Variants in KDM1B observed in about 807,000 individuals in gnomAD.
KDM1B encodes the protein lysine demethylase 1B, also known as lysine-specific histone demethylase 2.
A neutral mutation model predicts 107.4 loss-of-function variants in KDM1B; 63 were observed. The ratio of observed to expected loss-of-function variants is 0.59; its 90% CI spans 0.48 to 0.72. The LOEUF (loss-of-function observed/expected upper bound fraction) is 0.72, where lower values mean the gene tolerates loss of function less well. Among genes scored for constraint, KDM1B ranks in the 30% least tolerant of loss-of-function variants. The pLI, the probability that KDM1B is intolerant of heterozygous loss-of-function variation, is 0.00. For missense variants in KDM1B, 749 were observed against 1,020.8 expected (o/e 0.73, Z 3.63); for synonymous variants, 363 against 363.9 (o/e 1.00, Z 0.03).
chr6:18,217,401 T>C (rs1439275142), intron 20 of KDM1B, among the ~76,000 whole-genome samples: 6 of 145,648 alleles, frequency 4.1e-5, no homozygotes, highest in Admixed American at 1.4e-4. Flanking sequence ...TTTTTTGAGA[T>C]GGAGTCTGGC....
At chr6:18,170,758 G>T (rs1785599163) in intron 6 of KDM1B, among the ~76,000 whole-genome samples, 1 of 152,104 alleles carries the variant, frequency 6.6e-6, no homozygotes, top group African/African-American at 2.4e-5. Flanking sequence ...GAGATTACAG[G>T]TGTGAGCCAC....
chr6:18,160,630 C>T (rs1393422115), intron 3 of KDM1B, among the ~76,000 whole-genome samples: 7 of 151,560 alleles, frequency 4.6e-5, no homozygotes, highest in Non-Finnish European at 7.4e-5. Flanking sequence ...CTCAGCTACT[C>T]GGGAGGCTGA....
chr6:18,223,587 T>C lies in KDM1B; in HGVS notation c.*1595T>C, dbSNP rs1789961582. Reference sequence around the variant, plus strand: ...AATTATTATGTTAGTTTCCAGGCACTTGAACTGTGCTACAAGTAGGGGAAA... The same window carrying C: ...AATTATTATGTTAGTTTCCAGGCACCTGAACTGTGCTACAAGTAGGGGAAA... On this transcript the variant is annotated 3_prime_UTR_variant, in exon 22 of 22. Transcript: ENST00000650836. 1 of 152,192 alleles carries C rather than the reference T, an allele frequency of 6.6e-6. No homozygotes were observed. The highest frequency in any genetic ancestry group is 1.9e-4 in the East Asian group (1 of 5,196). 9.4% of individuals were successfully genotyped at this position (152,192 alleles called of 1,614,324 possible). A position where few individuals can be genotyped will look rare whatever the true frequency, so the allele number is the denominator to read the frequency against.
chr6:18,156,159 C>T (rs1784590988), intron 2 of KDM1B, among the ~76,000 whole-genome samples: 1 of 152,210 alleles, frequency 6.6e-6, no homozygotes. Flanking sequence ...TTCTCTGGCA[C>T]AGCCACCACG....
chr6:18,217,570 G>A (rs1050625827), intron 20 of KDM1B, among the ~76,000 whole-genome samples, 163 bp from the exon 21 acceptor site: 3 of 151,814 alleles, frequency 2.0e-5, no homozygotes, highest in African/African-American at 7.3e-5. Context: ...GTAGAGATGG[G>A]GTTTCACCGT....
At position 18,208,613 on chromosome 6, in the gene KDM1B, A is replaced by G. The variant is rs1220100945; in HGVS notation, c.1866+407A>G. Reference sequence around the variant, plus strand: ...TAGAAGTATGTGTATGTATATATATATATATATATATATATTTTTTTTTTT... The same window carrying G: ...TAGAAGTATGTGTATGTATATATATGTATATATATATATATTTTTTTTTTT... On this transcript the variant is annotated intron_variant, in intron 17 of 21. Transcript: ENST00000650836. Among the ~76,000 whole-genome samples the G allele has an allele frequency of 6.3e-4, 20 of 31,834 alleles. 1 individual carries two copies. Among genetic ancestry groups the G allele is most frequent in the East Asian group, 2.3e-3 (2 of 858 alleles). The allele number at this position is 31,834 out of a possible 152,430, so 20.9% of individuals were successfully genotyped here.
In KDM1B at chr6:18,212,110, T is replaced by G; in HGVS notation, c.1867-378T>G. 5.2e-6 allele frequency: 1 copy of G among 192,888 alleles called. No homozygotes were observed. Among genetic ancestry groups the G allele is most frequent in the Non-Finnish European group, 1.1e-5 (1 of 92,612 alleles). 11.9% of individuals were successfully genotyped at this position (192,888 alleles called of 1,614,324 possible). The stretch of plus-strand genomic sequence containing the variant: ...ACAGGCACCTGCCACCACACCTGGC[T>G]AATTTTTGTATTTTTGTAGAGACAG... On this transcript the variant is annotated intron_variant, in intron 17 of 21. Coordinates refer to ENST00000650836, the MANE Select transcript of KDM1B (RefSeq NM_001364614.2). The surrounding 1 kb of genome is among the most constrained non-coding windows in gnomAD (Gnocchi z 5.2).
chr6:18,201,266 GC>G lies in KDM1B; in HGVS notation c.1360-216del, dbSNP rs1431308072. ...TGGGCATGGCGTAGGAGCTGTTGCT[GC>G]CCCTCTCACATTCTCATCAAATAAA... is the stretch of plus-strand genomic sequence containing the variant. On this transcript the variant is annotated intron_variant, in intron 13 of 21. Transcript: ENST00000650836. The surrounding 1 kb of genome is among the most constrained non-coding windows in gnomAD (Gnocchi z 4.3). Among the ~76,000 whole-genome samples the G allele has an allele frequency of 6.6e-5, 10 of 152,126 alleles. No individual in the cohort carries two copies. Among genetic ancestry groups the G allele is most frequent in the African/African-American group, 1.9e-4 (8 of 41,414 alleles).
chr6:18,215,478 C>G (rs536847595), intron 20 of KDM1B, among the ~76,000 whole-genome samples: 26 of 152,280 alleles, frequency 1.7e-4, no homozygotes, highest in African/African-American at 5.8e-4. Flanking sequence ...GGGCTTCCCT[C>G]TGTGTGTGTC....
intron 20 of KDM1B, among the ~76,000 whole-genome samples, chr6:18,216,061 G>GT (rs1789205673): frequency 6.6e-6 from 1 of 152,120 alleles, no homozygotes; most frequent in Admixed American, 6.5e-5. Context: ...ATTCAGATAT[G>GT]TTGCTTATTT....
At chr6:18,217,128 A>G (rs1789297803) in intron 20 of KDM1B, among the ~76,000 whole-genome samples, 1 of 152,174 alleles carries the variant, frequency 6.6e-6, no homozygotes, top group South Asian at 2.1e-4. Flanking sequence ...CCGAACTCTT[A>G]GCCATGGGTG....
At position 18,197,738 on chromosome 6, in the gene KDM1B, C is replaced by T; in HGVS notation, c.1221+77C>T. Reference sequence around the variant, plus strand: ...GTCCAAATTTCTAAGATTTAGAAACCAGTTCCTATTTTTAGTGAAGAATAC... The same window carrying T: ...GTCCAAATTTCTAAGATTTAGAAACTAGTTCCTATTTTTAGTGAAGAATAC... On this transcript the variant is annotated intron_variant, in intron 12 of 21. Transcript: ENST00000650836. This position sits in a 1 kb window ranked among gnomAD's most constrained non-coding sequence, Gnocchi z 4.5. 2.0e-6 allele frequency: 2 copies of T among 1,008,368 alleles called. No individual in the cohort carries two copies. The highest frequency in any genetic ancestry group is 3.0e-6 in the Non-Finnish European group (2 of 660,670). 62.5% of individuals were successfully genotyped at this position (1,008,368 alleles called of 1,614,324 possible).
Position 18,211,392 on chromosome 6 carries a change from A to G in KDM1B, c.1867-1096A>G, listed in dbSNP as rs1034264164. ...CCCCAACTCCCTACAGCAGGTTTCT[A>G]AACATCCATCCAGCCCAGCCAATCT... On this transcript the variant is annotated intron_variant, in intron 17 of 21. Transcript: ENST00000650836. This position sits in a 1 kb window ranked among gnomAD's most constrained non-coding sequence, Gnocchi z 5.2. 2 of 152,302 alleles carry G rather than the reference A, an allele frequency of 1.3e-5. No homozygotes were observed. The highest frequency in any genetic ancestry group is 2.9e-5 in the Non-Finnish European group (2 of 68,120). 9.4% of individuals were successfully genotyped at this position (152,302 alleles called of 1,614,324 possible).
chr6:18,175,900 G>A (rs1396228567), intron 7 of KDM1B, among the ~76,000 whole-genome samples: 2 of 152,278 alleles, frequency 1.3e-5, no homozygotes, highest in Middle Eastern at 6.8e-3. Context: ...ATCAGGTAGT[G>A]TGATGCCTCC....
Position 18,211,107 on chromosome 6 carries a change from T to C in KDM1B, c.1867-1381T>C, listed in dbSNP as rs1030677317. 6.6e-6 allele frequency among the ~76,000 whole-genome samples: 1 copy of C among 152,178 alleles called. No individual in the cohort carries two copies. The highest frequency in any genetic ancestry group is 1.5e-5 in the Non-Finnish European group (1 of 68,044). On this transcript the variant is annotated intron_variant, in intron 17 of 21. Coordinates refer to ENST00000650836, the MANE Select transcript of KDM1B (RefSeq NM_001364614.2). This position sits in a 1 kb window ranked among gnomAD's most constrained non-coding sequence, Gnocchi z 5.2. ...TCATTTTTTTTGGTTGCATGGTAAT[T>C]ATCTATAAATAGATTATAAACTTCT...
intron 15 of KDM1B, 144 bp from the exon 16 acceptor site, chr6:18,207,254 G>T: frequency 1.4e-6 from 1 of 690,710 alleles, no homozygotes. Flanking sequence ...TCCTCCCCCA[G>T]TGGTGGTCTC....
At chr6:18,190,782 C>G (rs542987544) in intron 9 of KDM1B, among the ~76,000 whole-genome samples, 1 of 151,932 alleles carries the variant, frequency 6.6e-6, no homozygotes, top group East Asian at 1.9e-4. Context: ...CACCTGTAAT[C>G]CCAGCTACTC....
At position 18,223,296 on chromosome 6, in the gene KDM1B, T is replaced by G. The variant is rs1455624406; in HGVS notation, c.*1304T>G. 6.6e-6 allele frequency: 1 copy of G among 152,082 alleles called. No individual in the cohort carries two copies. The highest frequency in any genetic ancestry group is 2.4e-5 in the African/African-American group (1 of 41,312). 9.4% of individuals were successfully genotyped at this position (152,082 alleles called of 1,614,324 possible). On this transcript the variant is annotated 3_prime_UTR_variant, in exon 22 of 22. Transcript: ENST00000650836. Reference sequence around the variant, plus strand: ...GAGTAAATACCTAACACACCAAGAATGTGCAGTGAACCTCAGGCATTTAAG... The same window carrying G: ...GAGTAAATACCTAACACACCAAGAAGGTGCAGTGAACCTCAGGCATTTAAG...
At chr6:18,163,146 CTTTT>C (rs35989887) in intron 5 of KDM1B, among the ~76,000 whole-genome samples, 6 of 139,640 alleles carry the variant, frequency 4.3e-5, no homozygotes, top group Admixed American at 7.1e-5. Flanking sequence ...TCTGCCATTT[CTTTT>C]TTTTTTTTTT....
Sources: gnomAD v4.1 joint callset for allele counts (sites outside exome capture counted in the v4.1 genomes callset) on GRCh38, gnomAD v4.1.1 for gene constraint, Gnocchi (gnomAD v3.1) non-coding constraint, MANE v1.5 for transcripts, NCBI Gene and HGNC (gene_info 2026-07-23, HGNC 2026-07-21) for gene names.